SMYD3: variants seen among roughly 807,000 people sequenced by gnomAD.
SMYD3 encodes histone-lysine N-methyltransferase SMYD3.
SMYD3 carries 36 observed loss-of-function variants against 57.7 expected under a neutral mutation model. That is an observed-to-expected ratio of 0.62 (90% confidence interval 0.48 to 0.82). SMYD3 has a LOEUF of 0.82. Among genes scored for constraint, SMYD3 ranks in the 40% least tolerant of loss-of-function variants. The probability of loss-of-function intolerance (pLI) is 0.00; values close to 1 mark genes in which losing one functional copy is unlikely to be tolerated. For missense variants in SMYD3, 515 were observed against 538.8 expected, an observed-to-expected ratio of 0.96 and a Z score of 0.44; for synonymous variants, 211 against 195.0, an observed-to-expected ratio of 1.08 and a Z score of -0.68.
At chr1:246,367,976 A>G (rs2148725935) in intron 1 of SMYD3, among the ~76,000 whole-genome samples, 1 of 152,306 alleles carries the variant, frequency 6.6e-6, no homozygotes, top group East Asian at 1.9e-4. Context: ...GTGTCATATC[A>G]AAGAAAATTC....
intron 10 of SMYD3, among the ~76,000 whole-genome samples, chr1:245,838,363 C>T (rs2050205844): frequency 6.6e-6 from 1 of 152,144 alleles, no homozygotes; most frequent in South Asian, 2.1e-4. Context: ...TGGGAATAGG[C>T]ATCAGTTGGA....
At chr1:245,988,700 C>A (rs538934407) in intron 5 of SMYD3, 1 of 152,318 alleles carries the variant, frequency 6.6e-6, no homozygotes, top group African/African-American at 2.4e-5. Flanking sequence ...CTTGCCACAG[C>A]CATAGGCAGG....
intron 1 of SMYD3, among the ~76,000 whole-genome samples, chr1:246,362,834 T>G (rs1416130154): frequency 6.6e-6 from 1 of 152,156 alleles, no homozygotes; most frequent in Non-Finnish European, 1.5e-5. Context: ...CCCAGCCGCC[T>G]GCCTTGGCCT....
At chr1:246,315,418 G>A (rs913628910) in intron 5 of SMYD3, among the ~76,000 whole-genome samples, 1 of 152,112 alleles carries the variant, frequency 6.6e-6, no homozygotes, top group Non-Finnish European at 1.5e-5. Context: ...GAATAAGCAG[G>A]ACCTCAATAG....
At chr1:246,324,218 C>A (rs1293383116) in intron 5 of SMYD3, among the ~76,000 whole-genome samples, 3 of 151,976 alleles carry the variant, frequency 2.0e-5, no homozygotes, top group Admixed American at 6.6e-5. Flanking sequence ...AGATTGAGAC[C>A]AGCCTGGCCA....
At chr1:245,948,815 C>T (rs1271549593) in intron 5 of SMYD3, among the ~76,000 whole-genome samples, 2 of 152,166 alleles carry the variant, frequency 1.3e-5, no homozygotes, top group Non-Finnish European at 2.9e-5. Flanking sequence ...ACAGGTTAAC[C>T]CACCTGCAGC....
chr1:246,176,684 G>A (rs568626289), intron 5 of SMYD3, among the ~76,000 whole-genome samples: 2 of 152,072 alleles, frequency 1.3e-5, no homozygotes, highest in East Asian at 1.9e-4. Context: ...CAACATGCCT[G>A]GCAAATTACT....
At position 246,143,901 on chromosome 1, in the gene SMYD3, C is replaced by G. The variant is rs1366624716; in HGVS notation, c.531+183300G>C. On this transcript the variant is annotated intron_variant, in intron 5 of 11. Transcript: ENST00000490107. The stretch of plus-strand genomic sequence containing the variant: ...AAGATATTGAACATTTGATTTAATG[C>G]AGAAAAAGTAACTTTCCCAAAGCCT... Among the ~76,000 whole-genome samples, 3 of 152,160 alleles carry G rather than the reference C, an allele frequency of 2.0e-5. No individual in the cohort carries two copies. The East Asian group carries it at 5.8e-4, about 29-fold the overall frequency.
At chr1:246,004,823 T>C (rs4654077) in intron 5 of SMYD3, among the ~76,000 whole-genome samples, 66,710 of 151,954 alleles carry the variant, frequency 0.44, 17,854 homozygotes, top group Non-Finnish European at 0.61. Flanking sequence ...CTACAGACAC[T>C]ATAAGAAATA....
chr1:246,182,892 C>G (rs1216339229), intron 5 of SMYD3, among the ~76,000 whole-genome samples: 1 of 152,060 alleles, frequency 6.6e-6, no homozygotes, highest in Admixed American at 6.6e-5. Context: ...ATCACAATAC[C>G]AGGTTTTCCA....
At chr1:245,966,990 C>T (rs1433779267) in intron 5 of SMYD3, among the ~76,000 whole-genome samples, 2 of 151,988 alleles carry the variant, frequency 1.3e-5, no homozygotes, top group Non-Finnish European at 2.9e-5. Context: ...ACCTAGCTCC[C>T]CACTGTTAAT....
chr1:245,977,798 A>C (rs536484301), intron 5 of SMYD3, among the ~76,000 whole-genome samples: 32 of 152,296 alleles, frequency 2.1e-4, no homozygotes, highest in African/African-American at 7.2e-4. Context: ...CTGCCCTGTT[A>C]TTAACACCTC....
intron 1 of SMYD3, among the ~76,000 whole-genome samples, chr1:246,466,098 A>G (rs1352353646): frequency 6.6e-6 from 1 of 152,202 alleles, no homozygotes; most frequent in East Asian, 1.9e-4. Flanking sequence ...TGGGAATGTA[A>G]ATTAGTTCAA....
intron 5 of SMYD3, among the ~76,000 whole-genome samples, chr1:246,234,694 C>T (rs1386230557): frequency 2.0e-5 from 3 of 152,194 alleles, no homozygotes; most frequent in African/African-American, 7.2e-5. Context: ...TAGAATATTG[C>T]ATTTAACTTG....
rs185515518 is a variant in SMYD3, at chr1:246,270,055, T to C, written c.531+57146A>G. On this transcript the variant is annotated intron_variant, in intron 5 of 11. Coordinates refer to ENST00000490107, the MANE Select transcript of SMYD3 (RefSeq NM_001167740.2). Reference sequence around the variant, plus strand: ...CATTCTCAATTAAGTCTTGGTTGAATAAATTAATAACATTACGACAAACAA... The same window carrying C: ...CATTCTCAATTAAGTCTTGGTTGAACAAATTAATAACATTACGACAAACAA... Among the ~76,000 whole-genome samples, 4 of 152,320 alleles carry C rather than the reference T, an allele frequency of 2.6e-5. No individual in the cohort carries two copies. In the East Asian group the frequency reaches 7.7e-4, roughly 29 times the overall value.
At chr1:246,180,411 T>C (rs533155560) in intron 5 of SMYD3, among the ~76,000 whole-genome samples, 32 of 149,128 alleles carry the variant, frequency 2.1e-4, no homozygotes, top group African/African-American at 7.8e-4. Flanking sequence ...CTCAAGGTCA[T>C]GAAGATTTGA....
At chr1:246,438,295 T>A (rs534864926) in intron 1 of SMYD3, among the ~76,000 whole-genome samples, 170 of 152,332 alleles carry the variant, frequency 1.1e-3, no homozygotes, top group Middle Eastern at 6.8e-3. Flanking sequence ...TAGTCAGTAG[T>A]CTCTTATTTA....
intron 10 of SMYD3, among the ~76,000 whole-genome samples, chr1:245,789,540 C>T (rs903887239): frequency 2.0e-5 from 3 of 152,146 alleles, no homozygotes; most frequent in Admixed American, 2.0e-4. Flanking sequence ...CCCCCAAATT[C>T]TTGATGTTGG....
At chr1:246,431,854 C>T (rs2067300686) in intron 1 of SMYD3, among the ~76,000 whole-genome samples, 1 of 152,178 alleles carries the variant, frequency 6.6e-6, no homozygotes, top group Non-Finnish European at 1.5e-5. Flanking sequence ...TTCATTTTGA[C>T]TCAATTCTTT....
Sources: allele counts gnomAD v4.1 joint callset (sites outside exome capture counted in the v4.1 genomes callset), GRCh38; gene constraint gnomAD v4.1.1; transcripts MANE v1.5; gene names NCBI Gene and HGNC (gene_info 2026-07-23, HGNC 2026-07-21).